TBC1D14: variants seen among roughly 807,000 people sequenced by gnomAD.
The protein encoded by TBC1D14 is TBC1 domain family, member 14.
TBC1D14 carries 26 observed loss-of-function variants against 79.0 expected under a neutral mutation model. The observed-to-expected ratio is 0.33, with a 90% CI of 0.24 to 0.46. TBC1D14 has a LOEUF of 0.46. TBC1D14 is among the 20% of genes least tolerant of loss of function. TBC1D14 has a pLI of 1.00. For synonymous variants in TBC1D14, 394 were observed against 349.9 expected, an observed-to-expected ratio of 1.13 and a Z score of -1.40; for missense variants, 769 against 887.6, an observed-to-expected ratio of 0.87 and a Z score of 1.70.
chr4:6,980,720 C>CT (rs530654410), intron 3 of TBC1D14, among the ~76,000 whole-genome samples: 2,337 of 145,102 alleles, frequency 0.016, 22 homozygotes, highest in Middle Eastern at 0.038. Context: ...AATAACTTGT[C>CT]TTTTTTTTTT....
chr4:7,025,602 A>T (rs1722284971), intron 13 of TBC1D14, among the ~76,000 whole-genome samples: 1 of 152,220 alleles, frequency 6.6e-6, no homozygotes, highest in Non-Finnish European at 1.5e-5. Context: ...TAAAAAAAAT[A>T]ATGCCAGAGA....
chr4:6,988,118 C>T (rs867553214), intron 3 of TBC1D14, among the ~76,000 whole-genome samples: 43 of 152,176 alleles, frequency 2.8e-4, no homozygotes, highest in Non-Finnish European at 4.4e-5. Context: ...GCCATTCTTC[C>T]CCCTCAAAAT....
At chr4:6,912,094 TATAA>T (rs1477151038) in intron 1 of TBC1D14, among the ~76,000 whole-genome samples, 5 of 152,102 alleles carry the variant, frequency 3.3e-5, no homozygotes, top group African/African-American at 1.2e-4. Flanking sequence ...TAGGACCACG[TATAA>T]ATAAAGTTTC....
At chr4:7,023,070 A>AT (rs1374953286) in intron 12 of TBC1D14, among the ~76,000 whole-genome samples, 1 of 152,150 alleles carries the variant, frequency 6.6e-6, no homozygotes, top group Admixed American at 6.5e-5. Flanking sequence ...CCGGGCCAAG[A>AT]TGGTGAAACC....
intron 7 of TBC1D14, among the ~76,000 whole-genome samples, chr4:7,003,177 C>T (rs1375303461): frequency 6.6e-6 from 1 of 152,224 alleles, no homozygotes. Flanking sequence ...GCTGTCCAGC[C>T]TCCAGCGTTC....
intron 13 of TBC1D14, 62 bp downstream of exon 13, chr4:7,025,324 AG>A: frequency 6.3e-7 from 1 of 1,598,190 alleles, no homozygotes. Flanking sequence ...CGACTCAGGA[AG>A]GCCCCTACGT....
intron 2 of TBC1D14, among the ~76,000 whole-genome samples, chr4:6,955,720 G>A (rs892000591): frequency 1.3e-5 from 2 of 152,166 alleles, no homozygotes; most frequent in African/African-American, 4.8e-5. Flanking sequence ...GGGGACTTTG[G>A]GTTTATTTCT....
At chr4:6,979,628 A>G (rs1717179825) in intron 3 of TBC1D14, among the ~76,000 whole-genome samples, 1 of 152,252 alleles carries the variant, frequency 6.6e-6, no homozygotes, top group South Asian at 2.1e-4. Flanking sequence ...CAAAAAAAAC[A>G]CAAAACCATA....
At position 6,922,708 on chromosome 4, in the gene TBC1D14, T is replaced by C. The variant is rs1412920272; in HGVS notation, c.-17-665T>C. Among the ~76,000 whole-genome samples the C allele has an allele frequency of 2.0e-5, 3 of 152,190 alleles. 1 individual carries two copies. The highest frequency in any genetic ancestry group is 3.8e-4 in the East Asian group (2 of 5,200). ...GTATGGGTTATGGATTCACATACTT[T>C]TGACAGATTATCATTTCACCACTCC... On this transcript the variant is annotated intron_variant, in intron 1 of 13. Transcript: ENST00000409757.
At chr4:6,964,869 A>G (rs1329098706) in intron 2 of TBC1D14, among the ~76,000 whole-genome samples, 1 of 152,164 alleles carries the variant, frequency 6.6e-6, no homozygotes, top group African/African-American at 2.4e-5. Flanking sequence ...AACCCCCGGA[A>G]CTCCAATATA....
rs941000898 is a variant in TBC1D14, at chr4:7,032,148, C to T, written c.*1756C>T. Reference sequence around the variant, plus strand: ...CTCACCTCCTCTCGGAGGAGGCGTCCTGTCTTCACGGGGGGGTCCCGGTGG... The same window carrying T: ...CTCACCTCCTCTCGGAGGAGGCGTCTTGTCTTCACGGGGGGGTCCCGGTGG... On this transcript the variant is annotated 3_prime_UTR_variant, in exon 14 of 14. Coordinates refer to ENST00000409757, the MANE Select transcript of TBC1D14 (RefSeq NM_020773.3). 2 of 152,628 alleles carry T rather than the reference C, an allele frequency of 1.3e-5. No individual in the cohort carries two copies. The highest frequency in any genetic ancestry group is 2.9e-5 in the Non-Finnish European group (2 of 68,060). The allele number at this position is 152,628 out of a possible 1,614,324, so 9.5% of individuals were successfully genotyped here. A position where few individuals can be genotyped will look rare whatever the true frequency, so the allele number is the denominator to read the frequency against.
rs898093825 is a variant in TBC1D14 at position 6,957,027 on chromosome 4, G to A, written c.723-10277G>A. 2.0e-5 allele frequency among the ~76,000 whole-genome samples: 3 copies of A among 152,396 alleles called. No individual in the cohort carries two copies. The East Asian group carries it at 5.8e-4, about 29-fold the overall frequency. On this transcript the variant is annotated intron_variant, in intron 2 of 13. Transcript: ENST00000409757. ...TGCCTTTCTTAGGAAAAGTCTGGGA[G>A]TGGAGCAGGAGCATGGTTGCACCGT...
In TBC1D14 at chr4:7,031,794, C is replaced by G. The variant is rs1474007358; in HGVS notation, c.*1402C>G. The G allele has an allele frequency of 6.6e-6, 1 of 152,480 alleles. No individual in the cohort carries two copies. The highest frequency in any genetic ancestry group is 1.5e-5 in the Non-Finnish European group (1 of 68,258). The allele number at this position is 152,480 out of a possible 1,614,324, so 9.4% of individuals were successfully genotyped here. On this transcript the variant is annotated 3_prime_UTR_variant, in exon 14 of 14. Transcript: ENST00000409757. ...GCCCTTCTCAGCCACACTTCCCACC[C>G]CAGGGGGTGCCCCCAGGCTGATCTC...
chr4:6,938,772 G>A (rs1712595195), intron 2 of TBC1D14, among the ~76,000 whole-genome samples: 1 of 152,240 alleles, frequency 6.6e-6, no homozygotes, highest in South Asian at 2.1e-4. Flanking sequence ...GGGGGCACAG[G>A]AGAGATGCCG....
At chr4:6,987,087 C>CAT in intron 3 of TBC1D14, 2 of 1,047,022 alleles carry the variant, frequency 1.9e-6, no homozygotes, top group Non-Finnish European at 1.2e-6. Flanking sequence ...AGCCCCGCCC[C>CAT]TTGTGCCCGC....
At chr4:6,997,290 T>A (rs1271609156) in intron 5 of TBC1D14, 2 of 152,068 alleles carry the variant, frequency 1.3e-5, no homozygotes, top group Non-Finnish European at 2.9e-5. Flanking sequence ...TCCAGACACA[T>A]CCAAATGAGG....
intron 1 of TBC1D14, among the ~76,000 whole-genome samples, chr4:6,911,242 C>T (rs1345205566): frequency 6.6e-6 from 1 of 152,116 alleles, no homozygotes; most frequent in Non-Finnish European, 1.5e-5. Flanking sequence ...TAATGAGATC[C>T]CCAGTCCTAA....
intron 3 of TBC1D14, among the ~76,000 whole-genome samples, chr4:6,983,256 G>A (rs1291795014): frequency 1.3e-5 from 2 of 152,138 alleles, no homozygotes; most frequent in Non-Finnish European, 2.9e-5. Context: ...ACAGGCGTGA[G>A]CCACCGTACC....
chr4:6,945,125 G>T (rs576251439), intron 2 of TBC1D14, among the ~76,000 whole-genome samples: 1 of 152,180 alleles, frequency 6.6e-6, no homozygotes, highest in African/African-American at 2.4e-5. Context: ...ATGGGCAGGG[G>T]CTACATTGTG....
Sources: gnomAD v4.1 joint callset for allele counts (sites outside exome capture counted in the v4.1 genomes callset) on GRCh38, gnomAD v4.1.1 for gene constraint, MANE v1.5 for transcripts, NCBI Gene and HGNC (gene_info 2026-07-23, HGNC 2026-07-21) for gene names.